Variants in ADCY5 observed in about 807,000 individuals in gnomAD.
The protein encoded by ADCY5 is adenylate cyclase type 5.
ADCY5 carries 30 observed loss-of-function variants against 119.7 expected under a neutral mutation model. The observed-to-expected ratio is 0.25, with a 90% CI of 0.19 to 0.34. ADCY5 has a LOEUF of 0.34. Ranked by LOEUF, ADCY5 falls within the 10% of genes least tolerant of loss-of-function variation. The pLI, the probability that ADCY5 is intolerant of heterozygous loss-of-function variation, is 1.00. For synonymous variants in ADCY5, 753 were observed against 762.2 expected (o/e 0.99, Z 0.20); for missense variants, 1,324 against 1,775.2 (o/e 0.75, Z 4.57).
At chr3:123,382,787 G>C (rs1944074669) in intron 1 of ADCY5, among the ~76,000 whole-genome samples, 2 of 152,198 alleles carry the variant, frequency 1.3e-5, no homozygotes, top group Non-Finnish European at 2.9e-5. Flanking sequence ...TTAATGGGTA[G>C]AGTTTCTGTT....
chr3:123,390,430 G>A (rs982618477), intron 1 of ADCY5, among the ~76,000 whole-genome samples: 2 of 152,222 alleles, frequency 1.3e-5, no homozygotes, highest in Non-Finnish European at 2.9e-5. Flanking sequence ...CTCCTCATGG[G>A]AGACCTGTTT....
chr3:123,299,803 C>T (rs1407928406), intron 15 of ADCY5, among the ~76,000 whole-genome samples: 6 of 152,238 alleles, frequency 3.9e-5, no homozygotes, highest in Non-Finnish European at 8.8e-5. Flanking sequence ...TACTGCCCGG[C>T]TCTGCTGGAC....
intron 1 of ADCY5, among the ~76,000 whole-genome samples, chr3:123,444,936 A>G (rs1405283193): frequency 6.6e-6 from 1 of 152,212 alleles, no homozygotes; most frequent in African/African-American, 2.4e-5. Flanking sequence ...GAGTAACCTG[A>G]GGCAGAGGTT....
At chr3:123,377,946 A>AAC (rs1943894720) in intron 1 of ADCY5, among the ~76,000 whole-genome samples, 1 of 151,712 alleles carries the variant, frequency 6.6e-6, no homozygotes, top group Non-Finnish European at 1.5e-5. Flanking sequence ...AAAAAAAAAA[A>AAC]AACTCAAAAA....
intron 1 of ADCY5, among the ~76,000 whole-genome samples, chr3:123,415,037 A>G (rs1221249324): frequency 1.3e-5 from 2 of 152,102 alleles, no homozygotes; most frequent in Non-Finnish European, 2.9e-5. Context: ...TAGAGAGAAG[A>G]TCCTTGGGGT....
rs1559809522 is a variant in ADCY5 at position 123,327,770 on chromosome 3, G to C, written c.1806-11C>G. 1.2e-6 allele frequency: 2 copies of C among 1,613,816 alleles called. No individual in the cohort carries two copies. The highest frequency in any genetic ancestry group is 1.7e-6 in the Non-Finnish European group (2 of 1,179,872). ...GTGATGTGGATGCGTCTACAGGGGG[G>C]CAGGGATCAGGGTGGAGAGGGCAGA... On this transcript the variant is annotated splice_polypyrimidine_tract_variant and intron_variant, in intron 6 of 20. Coordinates refer to ENST00000462833, the MANE Select transcript of ADCY5 (RefSeq NM_183357.3).
intron 3 of ADCY5, among the ~76,000 whole-genome samples, chr3:123,333,062 T>C (rs1009763358): frequency 5.9e-5 from 9 of 152,096 alleles, no homozygotes; most frequent in Non-Finnish European, 1.3e-4. Flanking sequence ...CCTGGTTCCA[T>C]TAAATCCTAA....
intron 12 of ADCY5, among the ~76,000 whole-genome samples, chr3:123,310,032 T>C (rs891329462): frequency 2.2e-4 from 33 of 150,390 alleles, no homozygotes; most frequent in African/African-American, 8.1e-4. Context: ...TACAATCAGG[T>C]CCAGGGGATG....
chr3:123,393,929 T>C (rs1301722935), intron 1 of ADCY5, among the ~76,000 whole-genome samples: 2 of 151,940 alleles, frequency 1.3e-5, no homozygotes, highest in African/African-American at 4.8e-5. Flanking sequence ...AGGTCAGGAG[T>C]TCGAGACCAG....
intron 1 of ADCY5, among the ~76,000 whole-genome samples, chr3:123,421,942 A>C (rs1036795182): frequency 6.6e-6 from 1 of 152,102 alleles, no homozygotes; most frequent in African/African-American, 2.4e-5. Flanking sequence ...CCCTCAACTC[A>C]CGGCCTTCTC....
At chr3:123,338,354 C>G (rs560464059) in intron 3 of ADCY5, among the ~76,000 whole-genome samples, 1 of 152,348 alleles carries the variant, frequency 6.6e-6, no homozygotes, top group South Asian at 2.1e-4. Flanking sequence ...CACATTCCCC[C>G]ACCTCCTGTC....
chr3:123,399,768 C>T (rs1446224443), intron 1 of ADCY5, among the ~76,000 whole-genome samples: 8 of 152,170 alleles, frequency 5.3e-5, no homozygotes, highest in South Asian at 2.1e-4. Flanking sequence ...ATCCCAGGAA[C>T]GCTTCAGGAA....
intron 1 of ADCY5, among the ~76,000 whole-genome samples, chr3:123,368,752 C>CAAAAAAAAAA (rs34756449): frequency 7.4e-6 from 1 of 134,238 alleles, no homozygotes; most frequent in African/African-American, 2.7e-5. Flanking sequence ...ACTGTGTCTC[C>CAAAAAAAAAA]AAAAAAAAAA....
At chr3:123,427,735 T>C (rs571877944) in intron 1 of ADCY5, among the ~76,000 whole-genome samples, 1 of 152,318 alleles carries the variant, frequency 6.6e-6, no homozygotes, top group East Asian at 1.9e-4. Flanking sequence ...ATATCAGTGC[T>C]TACTTCATAG....
At chr3:123,353,883 C>T (rs914278549) in intron 1 of ADCY5, among the ~76,000 whole-genome samples, 3 of 152,196 alleles carry the variant, frequency 2.0e-5, no homozygotes, top group South Asian at 4.1e-4. Context: ...TCCCTGGAGA[C>T]ATCCCATGGT....
chr3:123,290,804 G>A (rs1576525057), intron 18 of ADCY5, among the ~76,000 whole-genome samples: 1 of 152,172 alleles, frequency 6.6e-6, no homozygotes, highest in South Asian at 2.1e-4. Flanking sequence ...AGCTGCCAAA[G>A]GCTAAGTTCA....
chr3:123,393,761 T>C (rs1353089232), intron 1 of ADCY5, among the ~76,000 whole-genome samples: 1 of 151,926 alleles, frequency 6.6e-6, no homozygotes, highest in African/African-American at 2.4e-5. Context: ...CTGACATCCC[T>C]GGGCCCTGGG....
At chr3:123,403,374 C>T (rs1944823945) in intron 1 of ADCY5, among the ~76,000 whole-genome samples, 3 of 139,408 alleles carry the variant, frequency 2.2e-5, no homozygotes, top group Admixed American at 1.5e-4. Flanking sequence ...GAGCGAGACC[C>T]TGTCTCAAAA....
At chr3:123,304,418 G>T (rs529160217) in intron 12 of ADCY5, among the ~76,000 whole-genome samples, 3 of 152,280 alleles carry the variant, frequency 2.0e-5, no homozygotes, top group Non-Finnish European at 4.4e-5. Flanking sequence ...GCGGGACTAC[G>T]TGGGGAACCC....
Sources: gnomAD v4.1 joint callset for allele counts (sites outside exome capture counted in the v4.1 genomes callset) on GRCh38, gnomAD v4.1.1 for gene constraint, MANE v1.5 for transcripts, NCBI Gene and HGNC (gene_info 2026-07-23, HGNC 2026-07-21) for gene names.